The following PLEC variants were observed in gnomAD, a reference collection of about 807,000 sequenced individuals.
PLEC encodes the protein plectin, also known as hemidesmosomal protein 1.
PLEC carries 216 observed loss-of-function variants against 392.8 expected under a neutral mutation model. The observed-to-expected ratio is 0.55, with a 90% confidence interval of 0.49 to 0.62. The LOEUF is 0.62. PLEC is among the 20% of genes least tolerant of loss of function. The pLI is 0.00. For missense variants in PLEC, 6,863 were observed against 6,563.4 expected (o/e 1.05, Z -1.58); for synonymous variants, 3,621 against 2,980.6 (o/e 1.21, Z -7.00).
rs1823659794 is a variant in PLEC at position 143,923,458 on chromosome 8, C to T, written c.6471G>A (p.Leu2157=). The T allele has an allele frequency of 6.2e-7, 1 of 1,607,934 alleles. No homozygotes were observed. The change falls in exon 31 of 32, where the codon CTG becomes CTA. Residue 2157 remains leucine (L), a synonymous_variant. Coordinates refer to ENST00000345136, the MANE Select transcript of PLEC (RefSeq NM_201384.3). ...ARRAQAEQAA[L]RQKQAADAEM... is the part of the protein sequence containing the mutation. ...CCGCGTCAGCTGCCTGCTTCTGCCG[C>T]AGGGCCGCCTGCTCCGCCTGTGCCC...
rs1441481804 is a variant in PLEC at position 143,915,204 on chromosome 8, G to A, written c.*973C>T. 3 of 152,564 alleles carry A rather than the reference G, an allele frequency of 2.0e-5. No individual in the cohort carries two copies. Among genetic ancestry groups the A allele is most frequent in the Non-Finnish European group, 2.9e-5 (2 of 68,074 alleles). The allele number at this position is 152,564 out of a possible 1,614,324, so 9.5% of individuals were successfully genotyped here. A position where few individuals can be genotyped will look rare whatever the true frequency, so the allele number is the denominator to read the frequency against. On this transcript the variant is annotated 3_prime_UTR_variant, in exon 32 of 32. Coordinates refer to ENST00000345136, the MANE Select transcript of PLEC (RefSeq NM_201384.3). ...CGGATACCGCAAGGCCCCGCCCACGGTCAGGTTAGTGTTCTGCCCTTGCAG... is the reference window on the plus strand; with the variant it reads ...CGGATACCGCAAGGCCCCGCCCACGATCAGGTTAGTGTTCTGCCCTTGCAG...
rs892080935 is a variant in PLEC, at chr8:143,969,647, G to A, written c.70+3756C>T. Among the ~76,000 whole-genome samples, 8 of 152,168 alleles carry A rather than the reference G, an allele frequency of 5.3e-5. No individual in the cohort carries two copies. The highest frequency in any genetic ancestry group is 2.1e-4 in the South Asian group (1 of 4,830). Reference sequence around the variant, plus strand: ...GGCGGTCAGTGAAGAAAGAAAGAGCGGCCCAGCAGCAGTCCAGCGTTGTGG... The same window carrying A: ...GGCGGTCAGTGAAGAAAGAAAGAGCAGCCCAGCAGCAGTCCAGCGTTGTGG... On this transcript the variant is annotated intron_variant, in intron 1 of 31. Transcript: ENST00000356346. The surrounding 1 kb of genome is among the most constrained non-coding windows in gnomAD (Gnocchi z 5.1).
At chr8:143,940,521 G>T (rs1587260163), upstream of PLEC, among the ~76,000 whole-genome samples, 1 of 152,218 alleles carries the variant, frequency 6.6e-6, no homozygotes, top group Non-Finnish European at 1.5e-5. Flanking sequence ...AAAGGGCAAA[G>T]GGCCTGCGCT....
exon 1 of PLEC, chr8:143,950,646 G>A (rs782563081): frequency 1.1e-5 from 17 of 1,590,696 alleles, no homozygotes; most frequent in Admixed American, 3.6e-5. Flanking sequence ...ACGCCCTCGC[G>A]GAAGAGCACC....
In PLEC at chr8:143,918,443, G is replaced by T. The variant is rs1821327959; in HGVS notation, c.11378C>A (p.Thr3793Asn). 2 of 1,584,216 alleles carry T rather than the reference G, an allele frequency of 1.3e-6. No homozygotes were observed. The highest frequency in any genetic ancestry group is 8.6e-7 in the Non-Finnish European group (1 of 1,167,544). Reference sequence around the variant, plus strand: ...ATCCAGCAGCCGCAGGGCCTCCTCAGTAGGGATCAGCTCCTTCTTCATGGC... The same window carrying T: ...ATCCAGCAGCCGCAGGGCCTCCTCATTAGGGATCAGCTCCTTCTTCATGGC... ...FQAMKKELIP[T>N]EEALRLLDAQ... The change falls in exon 32 of 32, where the codon ACT (threonine) becomes AAT (asparagine). Residue 3793 changes from threonine (T) to asparagine (N), a missense_variant. Coordinates refer to ENST00000345136, the MANE Select transcript of PLEC (RefSeq NM_201384.3).
upstream of PLEC, among the ~76,000 whole-genome samples, chr8:143,942,129 G>A (rs1346715554): frequency 6.6e-6 from 1 of 151,874 alleles, no homozygotes; most frequent in African/African-American, 2.4e-5. Context: ...CCAGGCTGAC[G>A]TGGAACAGCC....
In PLEC at chr8:143,929,844, TG is replaced by T; in HGVS notation, c.2740-16del. The T allele has an allele frequency of 6.3e-7, 1 of 1,599,698 alleles. No individual in the cohort carries two copies. The highest frequency in any genetic ancestry group is 8.5e-7 in the Non-Finnish European group (1 of 1,178,654). ...AGGGTGCGGAACTGGGGGAAGCACG[TG>T]GGGCTGAGTGCCGGGCGAGGCGGCC... On this transcript the variant is annotated splice_polypyrimidine_tract_variant and intron_variant, in intron 22 of 31. Transcript: ENST00000345136.
Position 143,915,974 on chromosome 8 carries a change from G to A in PLEC, c.*203C>T, listed in dbSNP as rs186103577. 17 of 454,076 alleles carry A rather than the reference G, an allele frequency of 3.7e-5. 1 individual carries two copies. Among genetic ancestry groups the A allele is most frequent in the East Asian group, 7.5e-5 (2 of 26,592 alleles). The allele number at this position is 454,076 out of a possible 1,614,324, so 28.1% of individuals were successfully genotyped here. ...GTGAGGAGACCCGAGGGGGTGAGGC[G>A]GCCAGCAGGGCTGGGCCAGCCCTGT... On this transcript the variant is annotated 3_prime_UTR_variant, in exon 32 of 32. Coordinates refer to ENST00000345136, the MANE Select transcript of PLEC (RefSeq NM_201384.3).
chr8:143,935,383 C>T (rs958628889), intron 6 of PLEC, 70 bp from the exon 7 acceptor site: 1 of 1,035,186 alleles, frequency 9.7e-7, no homozygotes, highest in Non-Finnish European at 1.5e-6. Flanking sequence ...GGCGGGTGCA[C>T]AGGCCGGCTC....
At position 143,917,494 on chromosome 8, in the gene PLEC, G is replaced by A; in HGVS notation, c.12327C>T (p.Ile4109=). The change falls in exon 32 of 32, where the codon ATC becomes ATT. Residue 4109 remains isoleucine, a synonymous_variant. Transcript: ENST00000345136. ...LTYLQLMERC[I]TDPQTGLCLL... Reference sequence around the variant, plus strand: ...GACACAGGCCCGTCTGGGGGTCAGTGATACAACGCTCCATCAGCTGCAGGT... The same window carrying A: ...GACACAGGCCCGTCTGGGGGTCAGTAATACAACGCTCCATCAGCTGCAGGT... The A allele has an allele frequency of 6.2e-7, 1 of 1,613,866 alleles. No homozygotes were observed. Among genetic ancestry groups the A allele is most frequent in the East Asian group, 2.2e-5 (1 of 44,870 alleles).
rs1829270591 is a variant in PLEC, at chr8:143,937,166, T to G, written c.341A>C (p.Gln114Pro). 6.2e-7 allele frequency: 1 copy of G among 1,612,070 alleles called. No homozygotes were observed. Residue 114 changes from glutamine (Q) to proline (P), a missense_variant and splice_region_variant, in exon 4 of 32, where the codon CAG becomes CCG. Physicochemically the swap from Gln to Pro is moderately conservative, Grantham distance 76 (BLOSUM62 -1). Transcript: ENST00000345136. Reference protein sequence around the residue: ...QIALDYLRHRQVKLVNIRNDD... With the variant: ...QIALDYLRHRPVKLVNIRNDD... Reference sequence around the variant, plus strand: ...CCAGGGCCTGCCGGGCAGCCTTACCTGGCGGTGCCGGAGGTAGTCCAGGGC... The same window carrying G: ...CCAGGGCCTGCCGGGCAGCCTTACCGGGCGGTGCCGGAGGTAGTCCAGGGC...
chr8:143,961,206 G>A (rs1832856040), intron 1 of PLEC, among the ~76,000 whole-genome samples: 1 of 151,332 alleles, frequency 6.6e-6, no homozygotes, highest in African/African-American at 2.4e-5. Flanking sequence ...CTTAAATTTT[G>A]AAAACCACTT....
In PLEC at chr8:143,918,543, G is replaced by A. The variant is rs782414508; in HGVS notation, c.11278C>T (p.Arg3760Cys). 2.0e-5 allele frequency: 32 copies of A among 1,610,118 alleles called. No homozygotes were observed. The Middle Eastern group carries it at 4.9e-4, about 25-fold the overall frequency. Residue 3760 changes from arginine to cysteine, a missense_variant, in exon 32 of 32, where the codon CGC (arginine) becomes TGC (cysteine). Physicochemically the swap from Arg to Cys is radical, Grantham distance 180. Transcript: ENST00000345136. ...ACCGCCCGCTCAGCCGAGAGCAGGC[G>A]GTCGTGCAGCTCGGGCCCCACGAGG... Reference protein sequence around the residue: ...KGLVGPELHDRLLSAERAVTG... With the variant: ...KGLVGPELHDCLLSAERAVTG...
intron 11 of PLEC, 105 bp downstream of exon 11, chr8:143,934,213 G>A: frequency 6.9e-6 from 11 of 1,595,340 alleles, no homozygotes; most frequent in Non-Finnish European, 9.4e-6. Context: ...AAGGCGAGTG[G>A]GAGCTTGGGT....
upstream of PLEC, chr8:143,944,040 G>A (rs983542052): frequency 1.9e-5 from 23 of 1,242,100 alleles, no homozygotes; most frequent in Middle Eastern, 8.2e-4. Context: ...CATACGCGGC[G>A]GCAGCCCCAC....
chr8:143,960,194 A>C (rs1334599661), intron 1 of PLEC, among the ~76,000 whole-genome samples: 7 of 151,582 alleles, frequency 4.6e-5, no homozygotes, highest in African/African-American at 1.7e-4. Flanking sequence ...AAGCAGAAGA[A>C]TCGCTTGAAC....
rs1554722232 is a variant in PLEC at position 143,935,289 on chromosome 8, C to T, written c.627G>A (p.Lys209=). Residue 209 remains lysine (K), a synonymous_variant, in exon 7 of 32, where the codon AAG becomes AAA. Coordinates refer to ENST00000345136, the MANE Select transcript of PLEC (RefSeq NM_201384.3). ...RHKPLLIDMN[K]VYRQTNLENL... ...TCTCCAGGTTGGTCTGCCGGTACAC[C>T]TTGTTCATGTCGATGAGCAGGGGCC... 2.5e-6 allele frequency: 4 copies of T among 1,608,000 alleles called. No homozygotes were observed. The highest frequency in any genetic ancestry group is 4.5e-5 in the East Asian group (2 of 44,872).
Position 143,925,718 on chromosome 8 carries a change from C to A in PLEC, c.4211G>T (p.Arg1404Leu). Reference sequence around the variant, plus strand: ...CTGCGCGTCCACCGCCGCCTCCTCCCGCCGCACCACCTCCTCCTGCATGCG... The same window carrying A: ...CTGCGCGTCCACCGCCGCCTCCTCCAGCCGCACCACCTCCTCCTGCATGCG... ...QQRMQEEVVR[R>L]EEAAVDAQQQ... is the part of the protein sequence containing the mutation. The change falls in exon 31 of 32, where the codon CGG (arginine) becomes CTG (leucine). Residue 1404 changes from arginine (R) to leucine (L), a missense_variant. Coordinates refer to ENST00000345136, the MANE Select transcript of PLEC (RefSeq NM_201384.3). 6.3e-7 allele frequency: 1 copy of A among 1,595,508 alleles called. No homozygotes were observed.
intron 5 of PLEC, among the ~76,000 whole-genome samples, chr8:143,936,245 C>T (rs983353694): frequency 6.6e-6 from 1 of 152,190 alleles, no homozygotes; most frequent in Non-Finnish European, 1.5e-5. Context: ...TGGCAGCTGC[C>T]ACCACGCAGC....
Sources: allele counts gnomAD v4.1 joint callset (sites outside exome capture counted in the v4.1 genomes callset), GRCh38; gene constraint gnomAD v4.1.1; non-coding constraint Gnocchi (gnomAD v3.1); transcripts MANE v1.5; gene names NCBI Gene and HGNC (gene_info 2026-07-23, HGNC 2026-07-21).